Variants in WDR7 observed in about 807,000 individuals in gnomAD.
WDR7 encodes WD repeat-containing protein 7.
In WDR7, 46 loss-of-function variants were observed where a neutral mutation model predicts 169.4. The observed-to-expected ratio is 0.27, with a 90% CI of 0.21 to 0.35. The LOEUF is 0.35. WDR7 is among the 10% of genes least tolerant of loss of function. The probability of loss-of-function intolerance (pLI) is 1.00; values close to 1 mark genes in which losing one functional copy is unlikely to be tolerated. For missense variants in WDR7, 1,534 were observed against 1,859.3 expected, an observed-to-expected ratio of 0.83 and a Z score of 3.22; for synonymous variants, 612 against 666.8, an observed-to-expected ratio of 0.92 and a Z score of 1.27.
At chr18:56,865,003 C>T (rs1599111728) in intron 20 of WDR7, among the ~76,000 whole-genome samples, 2 of 151,954 alleles carry the variant, frequency 1.3e-5, no homozygotes, top group African/African-American at 4.8e-5. Context: ...CATTGATATC[C>T]TTTTTACTAA....
intron 14 of WDR7, 92 bp downstream of exon 14, chr18:56,731,689 G>A (rs2026591411): frequency 5.3e-6 from 6 of 1,142,688 alleles, no homozygotes; most frequent in East Asian, 2.4e-5. Context: ...AATAATTTTT[G>A]AGAAATGACC....
chr18:56,907,659 T>G (rs1472480839), intron 21 of WDR7, among the ~76,000 whole-genome samples: 1 of 152,120 alleles, frequency 6.6e-6, no homozygotes, highest in Non-Finnish European at 1.5e-5. Context: ...AAAACAGAAA[T>G]GTATTGCTCG....
chr18:56,705,868 C>T (rs907116806), intron 12 of WDR7, among the ~76,000 whole-genome samples: 4 of 152,052 alleles, frequency 2.6e-5, no homozygotes, highest in South Asian at 2.1e-4. Context: ...TGTGGTGGCG[C>T]GTGCCTATAG....
intron 16 of WDR7, 52 bp from the exon 17 acceptor site, chr18:56,776,730 A>G (rs748351097): frequency 4.0e-6 from 6 of 1,513,634 alleles, no homozygotes; most frequent in Non-Finnish European, 5.5e-6. Flanking sequence ...TTTTTCAGAA[A>G]CTGCTGTACT....
chr18:56,792,777 C>G (rs1259791750), intron 19 of WDR7, among the ~76,000 whole-genome samples: 5 of 151,866 alleles, frequency 3.3e-5, no homozygotes, highest in Non-Finnish European at 2.9e-5. Flanking sequence ...CACACACACA[C>G]ACACACACAC....
intron 14 of WDR7, 103 bp downstream of exon 14, chr18:56,731,700 C>T (rs1425807754): frequency 9.6e-7 from 1 of 1,039,344 alleles, no homozygotes; most frequent in Non-Finnish European, 1.4e-6. Flanking sequence ...AGAAATGACC[C>T]TTGAAAAATA....
intron 21 of WDR7, among the ~76,000 whole-genome samples, chr18:56,882,634 C>G (rs1298284245): frequency 6.6e-6 from 1 of 152,110 alleles, no homozygotes; most frequent in African/African-American, 2.4e-5. Context: ...AATTTCTACC[C>G]TCACAGTTTT....
intron 12 of WDR7, among the ~76,000 whole-genome samples, chr18:56,715,855 C>A (rs1056262860): frequency 1.3e-5 from 2 of 151,978 alleles, no homozygotes; most frequent in African/African-American, 2.4e-5. Context: ...TTTGGCAGAT[C>A]GATGTTGCAA....
intron 2 of WDR7, among the ~76,000 whole-genome samples, chr18:56,677,066 T>C (rs1004727827): frequency 1.3e-5 from 2 of 152,256 alleles, no homozygotes; most frequent in Non-Finnish European, 2.9e-5. Flanking sequence ...TGTTTTTCTG[T>C]GTACTTACTA....
At chr18:56,863,833 A>G (rs896638407) in intron 20 of WDR7, among the ~76,000 whole-genome samples, 4 of 151,798 alleles carry the variant, frequency 2.6e-5, no homozygotes, top group Non-Finnish European at 4.4e-5. Flanking sequence ...CTGTTTGATC[A>G]GTTCTGTGTA....
chr18:57,036,095 T>C, the WDR7 span: 1 of 152,230 alleles, frequency 6.6e-6, no homozygotes, highest in African/African-American at 2.4e-5. Flanking sequence ...GCAATAGATA[T>C]CAGTGGTGGC....
In WDR7 at chr18:57,020,742, T is replaced by C; in HGVS notation, c.4165-3T>C. On this transcript the variant is annotated splice_polypyrimidine_tract_variant and splice_region_variant and intron_variant, in intron 26 of 27. Coordinates refer to ENST00000254442, the MANE Select transcript of WDR7 (RefSeq NM_015285.3). Reference sequence around the variant, plus strand: ...CATTCATGATATCTGAATTTTATTTTAGACAATCCATGGACACAAGGGACC... The same window carrying C: ...CATTCATGATATCTGAATTTTATTTCAGACAATCCATGGACACAAGGGACC... 3 of 1,613,658 alleles carry C rather than the reference T, an allele frequency of 1.9e-6. No homozygotes were observed. Among genetic ancestry groups the C allele is most frequent in the Non-Finnish European group, 2.5e-6 (3 of 1,179,784 alleles).
intron 16 of WDR7, among the ~76,000 whole-genome samples, chr18:56,768,740 A>T (rs1280369270): frequency 6.6e-6 from 1 of 152,186 alleles, no homozygotes; most frequent in Non-Finnish European, 1.5e-5. Flanking sequence ...TCTACTGTGC[A>T]CATTGACTTA....
At chr18:56,804,007 A>G (rs2044723224) in intron 19 of WDR7, among the ~76,000 whole-genome samples, 1 of 152,190 alleles carries the variant, frequency 6.6e-6, no homozygotes, top group South Asian at 2.1e-4. Context: ...CAAGTTGCTC[A>G]GGCAGGACTC....
chr18:56,993,641 A>C (rs1466307068), intron 26 of WDR7, among the ~76,000 whole-genome samples: 1 of 152,158 alleles, frequency 6.6e-6, no homozygotes, highest in Non-Finnish European at 1.5e-5. Context: ...CTCCATTTTA[A>C]GTGTGTTAGC....
chr18:56,727,313 AT>A (rs2026480490), intron 13 of WDR7, among the ~76,000 whole-genome samples: 1 of 151,912 alleles, frequency 6.6e-6, no homozygotes, highest in Non-Finnish European at 1.5e-5. Flanking sequence ...TTTCCCTGAT[AT>A]TTTTAAAAAC....
chr18:57,035,154 T>G, the WDR7 span: 1 of 152,192 alleles, frequency 6.6e-6, no homozygotes, highest in African/African-American at 2.4e-5. Flanking sequence ...TGGAGTGACT[T>G]GGGTTAAGTC....
At chr18:56,785,831 T>TTTTTC (rs555094887) in intron 19 of WDR7, among the ~76,000 whole-genome samples, 18 of 68,262 alleles carry the variant, frequency 2.6e-4, no homozygotes, top group Admixed American at 5.9e-4. Flanking sequence ...TTTCTTTTTC[T>TTTTTC]TTTTTTTTTT....
At chr18:56,778,476 C>T (rs1267588243) in intron 17 of WDR7, among the ~76,000 whole-genome samples, 2 of 152,096 alleles carry the variant, frequency 1.3e-5, no homozygotes, top group Non-Finnish European at 2.9e-5. Flanking sequence ...ATAGTGGCCT[C>T]ATCGATAATT....
Sources: allele counts gnomAD v4.1 joint callset (sites outside exome capture counted in the v4.1 genomes callset), GRCh38; gene constraint gnomAD v4.1.1; transcripts MANE v1.5; gene names NCBI Gene and HGNC (gene_info 2026-07-23, HGNC 2026-07-21).